PSD3: variants seen among roughly 807,000 people sequenced by gnomAD.
PSD3 encodes the protein PH and SEC7 domain-containing protein 3.
Under a neutral mutation model 105.5 loss-of-function variants are expected in PSD3, and 49 were observed. The observed-to-expected ratio is 0.46, with a 90% CI of 0.37 to 0.59. The LOEUF (loss-of-function observed/expected upper bound fraction) is 0.59. PSD3 is among the 20% of genes least tolerant of loss of function. The probability of loss-of-function intolerance (pLI) is 0.00; values close to 1 mark genes in which losing one functional copy is unlikely to be tolerated. For synonymous variants in PSD3, 557 were observed against 457.8 expected (o/e 1.22, Z -2.77); for missense variants, 1,561 against 1,263.8 (o/e 1.24, Z -3.57).
chr8:18,761,792 C>A (rs1318648329), intron 9 of PSD3, among the ~76,000 whole-genome samples: 1 of 152,180 alleles, frequency 6.6e-6, no homozygotes, highest in Non-Finnish European at 1.5e-5. Context: ...GAATACAAAC[C>A]ACATCCAACC....
At chr8:18,889,171 C>T (rs1818625521) in intron 2 of PSD3, among the ~76,000 whole-genome samples, 2 of 152,228 alleles carry the variant, frequency 1.3e-5, no homozygotes, top group Admixed American at 1.3e-4. Context: ...TACATGTTCT[C>T]TAGTCTTTTA....
At chr8:18,568,291 C>G (rs940911694) in intron 14 of PSD3, among the ~76,000 whole-genome samples, 15 of 144,184 alleles carry the variant, frequency 1.0e-4, no homozygotes, top group East Asian at 2.1e-4. Flanking sequence ...CCTTTTCCCC[C>G]CTTTCTTGGC....
chr8:18,663,832 G>A (rs1336086520), intron 9 of PSD3, among the ~76,000 whole-genome samples: 1 of 152,162 alleles, frequency 6.6e-6, no homozygotes, highest in South Asian at 2.1e-4. Flanking sequence ...GAAGGTTTGT[G>A]GCTACCCTGT....
intron 11 of PSD3, among the ~76,000 whole-genome samples, chr8:18,610,024 A>G (rs1380915454): frequency 6.6e-6 from 1 of 152,232 alleles, no homozygotes; most frequent in Non-Finnish European, 1.5e-5. Context: ...AAACAGTACT[A>G]TTACTACTAT....
intron 1 of PSD3, among the ~76,000 whole-genome samples, chr8:19,057,563 C>T (rs554654615): frequency 3.0e-4 from 46 of 152,246 alleles, no homozygotes; most frequent in Middle Eastern, 3.4e-3. Context: ...TAAATAGTTA[C>T]CATCCTTAGC....
At chr8:18,539,551 T>C (rs1423224683) in intron 15 of PSD3, among the ~76,000 whole-genome samples, 1 of 149,902 alleles carries the variant, frequency 6.7e-6, no homozygotes, top group South Asian at 2.1e-4. Flanking sequence ...AAATTACTTT[T>C]TTTTTTTTTT....
At chr8:18,979,820 A>G (rs1194840708) in intron 1 of PSD3, 1 of 152,386 alleles carries the variant, frequency 6.6e-6, no homozygotes, top group East Asian at 1.9e-4. Context: ...CTACTGTAAA[A>G]TCTACTTAAG....
intron 13 of PSD3, 123 bp from the exon 14 acceptor site, chr8:18,572,795 T>C (rs1029976920): frequency 2.7e-6 from 3 of 1,126,146 alleles, no homozygotes; most frequent in East Asian, 4.8e-5. Context: ...CTGGTACAAC[T>C]AATCCCTGAC....
At chr8:18,672,723 C>A (rs1799851785) in intron 9 of PSD3, among the ~76,000 whole-genome samples, 1 of 152,224 alleles carries the variant, frequency 6.6e-6, no homozygotes, top group Non-Finnish European at 1.5e-5. Flanking sequence ...ACCAGCCTTT[C>A]ACTGATATTT....
At position 19,013,678 on chromosome 8, in the gene PSD3, C is replaced by T. The variant is rs1323146353; in HGVS notation, c.-95G>A. ...GAGTGCCGGCGGCCAGCGCCGCGTG[C>T]TCTTTGTTGAGCTCCCGGGACTGCC... is the stretch of plus-strand genomic sequence containing the variant. On this transcript the variant is annotated 5_prime_UTR_variant, in exon 1 of 16. Coordinates refer to ENST00000327040, the MANE Select transcript of PSD3 (RefSeq NM_015310.4). 2 of 1,118,796 alleles carry T rather than the reference C, an allele frequency of 1.8e-6. No homozygotes were observed. The highest frequency in any genetic ancestry group is 1.1e-6 in the Non-Finnish European group (1 of 896,560). The allele number at this position is 1,118,796 out of a possible 1,614,324, so 69.3% of individuals were successfully genotyped here. A position where few individuals can be genotyped will look rare whatever the true frequency, so the allele number is the denominator to read the frequency against.
intron 2 of PSD3, chr8:18,924,901 T>C (rs1177605615): frequency 6.6e-6 from 1 of 152,206 alleles, no homozygotes; most frequent in African/African-American, 2.4e-5. Context: ...AGGACTAAGT[T>C]TTCTTCACTT....
At chr8:19,013,468 T>C in intron 1 of PSD3, 95 bp downstream of exon 1, 1 of 1,540,530 alleles carries the variant, frequency 6.5e-7, no homozygotes, top group Non-Finnish European at 8.8e-7. Flanking sequence ...CCCGGGATCC[T>C]GGGGGACAGA....
At chr8:18,571,912 T>C (rs1802166215) in intron 14 of PSD3, among the ~76,000 whole-genome samples, 1 of 152,170 alleles carries the variant, frequency 6.6e-6, no homozygotes, top group African/African-American at 2.4e-5. Flanking sequence ...GTAGTGTCCT[T>C]AGAAGAGTTT....
At position 18,533,279 on chromosome 8, in the gene PSD3, T is replaced by G. The variant is rs1420524174; in HGVS notation, c.*2464A>C. 1 of 152,324 alleles carries G rather than the reference T, an allele frequency of 6.6e-6. No individual in the cohort carries two copies. The highest frequency in any genetic ancestry group is 1.9e-4 in the East Asian group (1 of 5,186). 9.4% of individuals were successfully genotyped at this position (152,324 alleles called of 1,614,324 possible). A position where few individuals can be genotyped will look rare whatever the true frequency, so the allele number is the denominator to read the frequency against. On this transcript the variant is annotated 3_prime_UTR_variant, in exon 16 of 16. Transcript: ENST00000327040. ...GAAGAGGTGTTCTCAGCCCATGCGC[T>G]AAAGATGGACAGCATCATGCTACGG... is the stretch of plus-strand genomic sequence containing the variant.
intron 1 of PSD3, among the ~76,000 whole-genome samples, chr8:18,952,844 C>G (rs951253407): frequency 3.9e-5 from 6 of 152,142 alleles, no homozygotes; most frequent in Non-Finnish European, 8.8e-5. Context: ...ATCCAAACAA[C>G]TTATTGAGGA....
chr8:19,049,422 G>A (rs1828438127), intron 1 of PSD3, among the ~76,000 whole-genome samples: 1 of 152,140 alleles, frequency 6.6e-6, no homozygotes, highest in African/African-American at 2.4e-5. Context: ...AGGCACAGTG[G>A]CCCACACCTG....
chr8:18,692,256 G>A (rs986569852), intron 9 of PSD3, among the ~76,000 whole-genome samples: 2 of 152,148 alleles, frequency 1.3e-5, no homozygotes, highest in Non-Finnish European at 2.9e-5. Flanking sequence ...CTGACACTGA[G>A]ATAGACATTA....
At chr8:18,613,767 G>C (rs180864097) in intron 11 of PSD3, among the ~76,000 whole-genome samples, 1 of 152,076 alleles carries the variant, frequency 6.6e-6, no homozygotes, top group African/African-American at 2.4e-5. Flanking sequence ...TGCACCACTG[G>C]CAACCTTGCA....
chr8:18,855,076 A>T (rs1001968472), intron 4 of PSD3, among the ~76,000 whole-genome samples: 1 of 152,206 alleles, frequency 6.6e-6, no homozygotes, highest in African/African-American at 2.4e-5. Flanking sequence ...CCTAACAGGG[A>T]TAGGAGACCA....
Sources: gnomAD v4.1 joint callset for allele counts (sites outside exome capture counted in the v4.1 genomes callset) on GRCh38, gnomAD v4.1.1 for gene constraint, MANE v1.5 for transcripts, NCBI Gene and HGNC (gene_info 2026-07-23, HGNC 2026-07-21) for gene names.